Variants in RHBDL3 observed in about 807,000 individuals in gnomAD.
RHBDL3 encodes rhomboid like 3.
A neutral mutation model predicts 48.2 loss-of-function variants in RHBDL3; 28 were observed. That is an observed-to-expected ratio of 0.58 (90% CI 0.43 to 0.80). RHBDL3 has a LOEUF of 0.80. RHBDL3 is among the 30% of genes least tolerant of loss of function. RHBDL3 has a pLI of 0.00. For missense variants in RHBDL3, 464 were observed against 542.7 expected (o/e 0.85, Z 1.44); for synonymous variants, 208 against 232.3 (o/e 0.90, Z 0.95).
intron 2 of RHBDL3, among the ~76,000 whole-genome samples, chr17:32,272,917 G>A (rs1238559700): frequency 6.6e-6 from 1 of 152,186 alleles, no homozygotes; most frequent in African/African-American, 2.4e-5. Context: ...CTCTGCCACC[G>A]TATGGCTGCT....
Position 32,316,271 on chromosome 17 carries a change from A to G in RHBDL3, c.922A>G (p.Met308Val), listed in dbSNP as rs752727754. The stretch of plus-strand genomic sequence containing the variant: ...GAAGTGCCAGTTCAAGCTGCTGCGG[A>G]TGGCTGTGGCCCTTATCTGTAGTAA... ...GMKCQFKLLR[M>V]AVALICMSME... Residue 308 changes from methionine to valine, a missense_variant, in exon 8 of 9, where the codon ATG becomes GTG. Physicochemically the swap from Met to Val is conservative, Grantham distance 21. Coordinates refer to ENST00000269051, the MANE Select transcript of RHBDL3 (RefSeq NM_138328.3). 3.1e-6 allele frequency: 5 copies of G among 1,613,922 alleles called. No homozygotes were observed. Among genetic ancestry groups the G allele is most frequent in the South Asian group, 1.1e-5 (1 of 91,070 alleles).
At chr17:32,268,018 C>G (rs371441313) in intron 2 of RHBDL3, 93 bp downstream of exon 2, 1 of 950,972 alleles carries the variant, frequency 1.1e-6, no homozygotes, top group East Asian at 2.4e-5. Context: ...GCTCCGCGCT[C>G]CTGAGATGGT....
intron 6 of RHBDL3, 109 bp from the exon 7 acceptor site, chr17:32,305,232 G>A (rs1264630121): frequency 8.0e-6 from 6 of 748,474 alleles, no homozygotes; most frequent in Middle Eastern, 2.4e-4. Context: ...GAGGTGGAGC[G>A]TCTTGCTCTG....
intron 8 of RHBDL3, among the ~76,000 whole-genome samples, chr17:32,318,486 A>C (rs28722598): frequency 0.041 from 6,043 of 147,938 alleles, 537 homozygotes; most frequent in African/African-American, 0.086. Context: ...CAAAAAAACC[A>C]ATGAGGATAG....
At position 32,289,454 on chromosome 17, in the gene RHBDL3, C is replaced by A. The variant is rs567502797; in HGVS notation, c.519+438C>A. 3.3e-5 allele frequency among the ~76,000 whole-genome samples: 5 copies of A among 152,290 alleles called. No individual in the cohort carries two copies. In the East Asian group the frequency reaches 9.6e-4, roughly 29 times the overall value. On this transcript the variant is annotated intron_variant, in intron 4 of 8. Coordinates refer to ENST00000269051, the MANE Select transcript of RHBDL3 (RefSeq NM_138328.3). ...TTTCCCGCCTGAAAATCAGAAATAA[C>A]CAGACCTGCCTTCCCTCTCCCAGGA...
intron 2 of RHBDL3, among the ~76,000 whole-genome samples, chr17:32,273,758 CAG>C (rs1748113473): frequency 6.6e-6 from 1 of 152,098 alleles, no homozygotes; most frequent in African/African-American, 2.4e-5. Flanking sequence ...TGTTTTGAGA[CAG>C]AGTCTCACCC....
intron 4 of RHBDL3, among the ~76,000 whole-genome samples, chr17:32,290,439 C>T (rs745469661): frequency 6.6e-6 from 1 of 152,122 alleles, no homozygotes; most frequent in Non-Finnish European, 1.5e-5. Flanking sequence ...TATGTAAACC[C>T]GAACCACCAA....
chr17:32,304,075 T>G (rs1295819538), intron 6 of RHBDL3, among the ~76,000 whole-genome samples: 2 of 152,188 alleles, frequency 1.3e-5, no homozygotes, highest in Non-Finnish European at 2.9e-5. Flanking sequence ...TGATCACACT[T>G]AAATGAGACC....
At chr17:32,316,036 A>T (rs2040965078) in intron 7 of RHBDL3, among the ~76,000 whole-genome samples, 196 bp from the exon 8 acceptor site, 2 of 152,150 alleles carry the variant, frequency 1.3e-5, no homozygotes, top group African/African-American at 4.8e-5. Context: ...GTCCAGCTCA[A>T]GAACTCTTAT....
intron 1 of RHBDL3, among the ~76,000 whole-genome samples, chr17:32,266,931 G>A (rs1313727756): frequency 6.6e-6 from 1 of 152,086 alleles, no homozygotes; most frequent in African/African-American, 2.4e-5. Flanking sequence ...CCCTGGGCGA[G>A]GAGAGGGAGG....
rs550807635 is a variant in RHBDL3, at chr17:32,323,247, C to G, written c.*2018C>G. Reference sequence around the variant, plus strand: ...TGGGCCCACGCCTTTGGCGGTGTTGCGTCAGCCTGGGGCGTCTTGTGTGTG... The same window carrying G: ...TGGGCCCACGCCTTTGGCGGTGTTGGGTCAGCCTGGGGCGTCTTGTGTGTG... On this transcript the variant is annotated 3_prime_UTR_variant, in exon 9 of 9. Coordinates refer to ENST00000269051, the MANE Select transcript of RHBDL3 (RefSeq NM_138328.3). The G allele has an allele frequency of 2.0e-5, 3 of 152,524 alleles. No individual in the cohort carries two copies. The South Asian group carries it at 6.2e-4, about 32-fold the overall frequency. The allele number at this position is 152,524 out of a possible 1,614,324, so 9.4% of individuals were successfully genotyped here.
In RHBDL3 at chr17:32,296,913, A is replaced by G. The variant is rs530591278; in HGVS notation, c.669-1179A>G. Among the ~76,000 whole-genome samples the G allele has an allele frequency of 1.4e-3, 215 of 152,018 alleles. 1 individual carries two copies. Among genetic ancestry groups the G allele is most frequent in the African/African-American group, 4.9e-3 (205 of 41,506 alleles). ...ACTGCAACCTCCACCTCCCAGGTTCAAGCTATTCTCCTGCCTCAGCTTCCC... is the reference window on the plus strand; with the variant it reads ...ACTGCAACCTCCACCTCCCAGGTTCGAGCTATTCTCCTGCCTCAGCTTCCC... On this transcript the variant is annotated intron_variant, in intron 5 of 8. Transcript: ENST00000269051.
intron 6 of RHBDL3, among the ~76,000 whole-genome samples, chr17:32,304,650 C>G (rs1329210398): frequency 6.6e-6 from 1 of 152,206 alleles, no homozygotes; most frequent in Non-Finnish European, 1.5e-5. Context: ...TCAATAACTA[C>G]TGCTACTATT....
At chr17:32,282,498 C>T (rs144405814) in intron 2 of RHBDL3, among the ~76,000 whole-genome samples, 1,763 of 152,240 alleles carry the variant, frequency 0.012, 43 homozygotes, top group African/African-American at 0.04. Flanking sequence ...CCCAGGAGGT[C>T]GAGGCTTCAG....
At chr17:32,273,802 C>T (rs959083742) in intron 2 of RHBDL3, among the ~76,000 whole-genome samples, 10 of 152,188 alleles carry the variant, frequency 6.6e-5, no homozygotes, top group African/African-American at 2.4e-4. Flanking sequence ...GTGGTACAAT[C>T]TCAGCTCACT....
intron 2 of RHBDL3, among the ~76,000 whole-genome samples, chr17:32,279,686 C>T (rs1262335439): frequency 6.6e-6 from 1 of 152,218 alleles, no homozygotes; most frequent in South Asian, 2.1e-4. Flanking sequence ...TTCTACCCCC[C>T]GTTTCCGTAT....
intron 2 of RHBDL3, among the ~76,000 whole-genome samples, chr17:32,275,343 C>G (rs552211671): frequency 1.9e-3 from 294 of 152,306 alleles, no homozygotes; most frequent in African/African-American, 6.3e-3. Context: ...CCTGGCAGCC[C>G]CCTCAGTGGC....
chr17:32,282,585 C>A (rs1382179153), intron 2 of RHBDL3, among the ~76,000 whole-genome samples: 3 of 152,130 alleles, frequency 2.0e-5, no homozygotes, highest in Middle Eastern at 3.2e-3. Flanking sequence ...AACAATAGAC[C>A]TCATTGGAGA....
In RHBDL3 at chr17:32,267,903, A is replaced by C. The variant is rs746282122; in HGVS notation, c.113A>C (p.His38Pro). Residue 38 changes from histidine to proline, a missense_variant and splice_region_variant, in exon 2 of 9, where the codon CAC becomes CCC. By Grantham distance (77) the His-to-Pro change is moderately conservative. Transcript: ENST00000269051. Reference sequence around the variant, plus strand: ...CTGCATGGCCTCCCTCTCTGCCAGCACTGGAAAGTCCTGTTTGATCAGGTA... The same window carrying C: ...CTGCATGGCCTCCCTCTCTGCCAGCCCTGGAAAGTCCTGTTTGATCAGGTA... The part of the protein sequence containing the change: ...EERLPAAPED[H>P]WKVLFDQFDP... 3 of 1,613,640 alleles carry C rather than the reference A, an allele frequency of 1.9e-6. No homozygotes were observed. Among genetic ancestry groups the C allele is most frequent in the Non-Finnish European group, 2.5e-6 (3 of 1,179,704 alleles).
Sources: gnomAD v4.1 joint callset for allele counts (sites outside exome capture counted in the v4.1 genomes callset) on GRCh38, gnomAD v4.1.1 for gene constraint, MANE v1.5 for transcripts, NCBI Gene and HGNC (gene_info 2026-07-23, HGNC 2026-07-21) for gene names.